Variants in TNPO3 observed in about 807,000 individuals in gnomAD.
The protein encoded by TNPO3 is transportin-3.
Under a neutral mutation model 122.8 loss-of-function variants are expected in TNPO3, and 65 were observed. The observed-to-expected ratio is 0.53, with a 90% CI of 0.43 to 0.65. The LOEUF (loss-of-function observed/expected upper bound fraction) is 0.65, where lower values mean the gene tolerates loss of function less well. Ranked by LOEUF, TNPO3 falls within the 30% of genes least tolerant of loss-of-function variation. The pLI is 0.00. For synonymous variants in TNPO3, 372 were observed against 411.2 expected, an observed-to-expected ratio of 0.90 and a Z score of 1.15; for missense variants, 850 against 1,136.7, an observed-to-expected ratio of 0.75 and a Z score of 3.63.
At position 129,001,110 on chromosome 7, in the gene TNPO3, AG is replaced by A; in HGVS notation, c.820del (p.Leu274Ter). Reference sequence around the variant, plus strand: ...CATATGATAGGCAGTCTCCAATGTCAGCACTCCCTGAAAAAGTTGCATGGCT... The same window carrying A: ...CATATGATAGGCAGTCTCCAATGTCACACTCCCTGAAAAAGTTGCATGGCT... ...PLAMQLFQGV[L>X]TLETAYHMAV... On this transcript the variant is annotated frameshift_variant, in exon 6 of 23. Coordinates refer to ENST00000265388, the MANE Select transcript of TNPO3 (RefSeq NM_012470.4). LOFTEE classifies it high-confidence loss of function. The A allele has an allele frequency of 6.2e-7, 1 of 1,614,190 alleles. No homozygotes were observed. The highest frequency in any genetic ancestry group is 8.5e-7 in the Non-Finnish European group (1 of 1,180,024).
chr7:128,986,797 A>G lies in TNPO3; in HGVS notation c.1622T>C (p.Leu541Pro). The change falls in exon 12 of 23, where the codon CTC becomes CCC. Residue 541 changes from leucine (L) to proline (P), a missense_variant. Leu to Pro is a moderately conservative substitution (Grantham distance 98). Transcript: ENST00000265388. ...ATCGAGGGAGCGGGCAATCTCCAGG[A>G]GTCCATTAAAGTGCTGAGCCATGTG... is the stretch of plus-strand genomic sequence containing the variant. ...RDHMAQHFNGLLEIARSLDSF... is the reference protein window; with the variant it reads ...RDHMAQHFNGPLEIARSLDSF... The G allele has an allele frequency of 1.2e-6, 2 of 1,614,172 alleles. No individual in the cohort carries two copies. The highest frequency in any genetic ancestry group is 1.7e-6 in the Non-Finnish European group (2 of 1,180,012).
At chr7:128,989,733 ACT>A (rs1800551061) in intron 11 of TNPO3, among the ~76,000 whole-genome samples, 1 of 152,198 alleles carries the variant, frequency 6.6e-6, no homozygotes, top group Non-Finnish European at 1.5e-5. Context: ...CAAATTGTTC[ACT>A]GTTTCCCTAT....
chr7:128,984,074 T>C (rs1342630896), intron 13 of TNPO3, 94 bp downstream of exon 13: 1 of 694,622 alleles, frequency 1.4e-6, no homozygotes, highest in African/African-American at 1.8e-5. Flanking sequence ...ATTTTCTAGG[T>C]AGACAAAAGA....
At chr7:129,001,278 A>G in intron 5 of TNPO3, 44 bp from the exon 6 acceptor site, 1 of 1,539,350 alleles carries the variant, frequency 6.5e-7, no homozygotes. Context: ...TATGATCACT[A>G]AGGAGTGATC....
At chr7:129,027,017 G>A (rs2150477896) in intron 1 of TNPO3, among the ~76,000 whole-genome samples, 1 of 151,270 alleles carries the variant, frequency 6.6e-6, no homozygotes, top group Middle Eastern at 3.5e-3. Context: ...AAACTCCTGG[G>A]CTTGCCTGCC....
rs1425915736 is a variant in TNPO3 at position 128,955,325 on chromosome 7, T to C, written c.*92A>G. On this transcript the variant is annotated 3_prime_UTR_variant, in exon 23 of 23. Coordinates refer to ENST00000265388, the MANE Select transcript of TNPO3 (RefSeq NM_012470.4). ...GCCCCTCTGCCACAACGGAGGTTTCTGATTGTGGGACACAGTCTGGTTTTT... is the reference window on the plus strand; with the variant it reads ...GCCCCTCTGCCACAACGGAGGTTTCCGATTGTGGGACACAGTCTGGTTTTT... 3 of 455,972 alleles carry C rather than the reference T, an allele frequency of 6.6e-6. No homozygotes were observed. The highest frequency in any genetic ancestry group is 1.3e-5 in the Non-Finnish European group (3 of 226,948). 28.2% of individuals were successfully genotyped at this position (455,972 alleles called of 1,614,324 possible). A position where few individuals can be genotyped will look rare whatever the true frequency, so the allele number is the denominator to read the frequency against.
chr7:128,982,367 CA>C (rs1339444050), intron 13 of TNPO3, 43 bp from the exon 14 acceptor site: 1 of 1,558,038 alleles, frequency 6.4e-7, no homozygotes, highest in Non-Finnish European at 8.8e-7. Context: ...GTCACATGTA[CA>C]AATCTACAGC....
chr7:129,043,303 G>A (rs958732202), intron 1 of TNPO3, among the ~76,000 whole-genome samples: 1 of 151,980 alleles, frequency 6.6e-6, no homozygotes, highest in Non-Finnish European at 1.5e-5. Context: ...CAGGGGGTGG[G>A]GGTAGGGGAC....
intron 1 of TNPO3, among the ~76,000 whole-genome samples, chr7:129,025,827 A>G (rs1805083265): frequency 6.6e-6 from 1 of 152,194 alleles, no homozygotes; most frequent in Non-Finnish European, 1.5e-5. Flanking sequence ...CAGAACAACA[A>G]TAAAAATCCC....
upstream of TNPO3, chr7:129,055,979 A>C: frequency 1.3e-6 from 1 of 756,402 alleles, no homozygotes; most frequent in Non-Finnish European, 2.3e-6. Context: ...AACCCGTTTT[A>C]GGCGCTGACA....
At chr7:128,975,709 T>C (rs1353837748) in intron 17 of TNPO3, 110 bp downstream of exon 17, 4 of 719,102 alleles carry the variant, frequency 5.6e-6, no homozygotes, top group Non-Finnish European at 9.6e-6. Context: ...TCAACATGCC[T>C]GGGGGAAAAC....
chr7:128,986,818 A>C lies in TNPO3; in HGVS notation c.1601T>G (p.Met534Arg), dbSNP rs35002946. ...CAGGAGTCCATTAAAGTGCTGAGCCATGTGATCTCGGCAGACAGAGCAAAT... is the reference window on the plus strand; with the variant it reads ...CAGGAGTCCATTAAAGTGCTGAGCCCTGTGATCTCGGCAGACAGAGCAAAT... The part of the protein sequence containing the change: ...HNICSVCRDH[M>R]AQHFNGLLEI... The change falls in exon 12 of 23, where the codon ATG becomes AGG. Residue 534 changes from methionine to arginine, a missense_variant. By Grantham distance (91) the Met-to-Arg change is moderately conservative. Transcript: ENST00000265388. 1 of 1,614,056 alleles carries C rather than the reference A, an allele frequency of 6.2e-7. No individual in the cohort carries two copies. The highest frequency in any genetic ancestry group is 1.3e-5 in the African/African-American group (1 of 74,940).
chr7:128,967,768 GCTCT>G (rs900913923), intron 20 of TNPO3, among the ~76,000 whole-genome samples: 12 of 146,530 alleles, frequency 8.2e-5, no homozygotes, highest in African/African-American at 1.7e-4. Context: ...ACACACACTC[GCTCT>G]CTCTTTTTTG....
chr7:129,041,226 G>A (rs571100404), intron 1 of TNPO3, among the ~76,000 whole-genome samples: 3 of 152,258 alleles, frequency 2.0e-5, no homozygotes, highest in Admixed American at 6.5e-5. Flanking sequence ...AATCAGCCAG[G>A]CATGGTGTAC....
At chr7:129,050,719 T>C (rs1808658761) in intron 1 of TNPO3, among the ~76,000 whole-genome samples, 2 of 152,212 alleles carry the variant, frequency 1.3e-5, no homozygotes, top group African/African-American at 4.8e-5. Flanking sequence ...TTCCCTGAAC[T>C]GGCTTTAGAA....
intron 1 of TNPO3, chr7:129,028,917 T>C: frequency 2.4e-6 from 1 of 422,704 alleles, no homozygotes; most frequent in Non-Finnish European, 4.6e-6. Flanking sequence ...ATGAAGAGTT[T>C]CACTGCCACT....
intron 1 of TNPO3, among the ~76,000 whole-genome samples, chr7:129,033,071 G>A (rs1008736716): frequency 6.6e-6 from 1 of 151,878 alleles, no homozygotes; most frequent in Non-Finnish European, 1.5e-5. Context: ...TTTGTCAAGG[G>A]TGCCAAGACT....
rs1474040660 is a variant in TNPO3 at position 129,001,141 on chromosome 7, G to C, written c.790C>G (p.Pro264Ala). The part of the protein sequence containing the change: ...YAIENVETNL[P>A]LAMQLFQGVL... ...CCCTGAAAAAGTTGCATGGCTAATG[G>C]CAAGTTAGTCTCCACATTCTCAATG... The change falls in exon 6 of 23, where the codon CCA becomes GCA. Residue 264 changes from proline (P) to alanine (A), a missense_variant. Transcript: ENST00000265388. The C allele has an allele frequency of 3.1e-6, 5 of 1,614,120 alleles. No individual in the cohort carries two copies. Among genetic ancestry groups the C allele is most frequent in the Non-Finnish European group, 4.2e-6 (5 of 1,179,996 alleles).
chr7:129,054,767 C>G lies in TNPO3; in HGVS notation c.4G>C (p.Glu2Gln), dbSNP rs1256756015. The G allele has an allele frequency of 6.2e-7, 1 of 1,614,012 alleles. No homozygotes were observed. The highest frequency in any genetic ancestry group is 2.2e-5 in the East Asian group (1 of 44,882). The change falls in exon 1 of 23, where the codon GAA (glutamate) becomes CAA (glutamine). Residue 2 changes from glutamate to glutamine, a missense_variant. Physicochemically the swap from Glu to Gln is conservative, Grantham distance 29. Coordinates refer to ENST00000265388, the MANE Select transcript of TNPO3 (RefSeq NM_012470.4). ...AGCTGCAATGTCGGCTTTGCTCCTT[C>G]CATGGTGGTGGCGGTAGTGGCGGTA... M[E>Q]GAKPTLQLVY...
Sources: allele counts gnomAD v4.1 joint callset (sites outside exome capture counted in the v4.1 genomes callset), GRCh38; gene constraint gnomAD v4.1.1; transcripts MANE v1.5; gene names NCBI Gene and HGNC (gene_info 2026-07-23, HGNC 2026-07-21).